The following ARPC5L variants were observed in gnomAD, a reference collection of about 807,000 sequenced individuals.
ARPC5L encodes actin-related protein 2/3 complex subunit 5-like protein.
Under a neutral mutation model 16.9 loss-of-function variants are expected in ARPC5L, and 4 were observed. The observed-to-expected ratio is 0.24, with a 90% CI of 0.12 to 0.54. ARPC5L has a LOEUF of 0.54. ARPC5L is among the 20% of genes least tolerant of loss of function. The probability of loss-of-function intolerance (pLI) is 0.95; values close to 1 mark genes in which losing one functional copy is unlikely to be tolerated. For missense variants in ARPC5L, 151 were observed against 201.9 expected (o/e 0.75, Z 1.53); for synonymous variants, 78 against 82.6 (o/e 0.94, Z 0.30).
chr9:124,875,568 T>C (rs910233512), intron 5 of ARPC5L, among the ~76,000 whole-genome samples: 1 of 152,198 alleles, frequency 6.6e-6, no homozygotes, highest in African/African-American at 2.4e-5. Flanking sequence ...CTCTAAGGGC[T>C]TCCTGCCCTG....
At chr9:124,865,426 C>T (rs767492624) in intron 2 of ARPC5L, among the ~76,000 whole-genome samples, 12 of 151,520 alleles carry the variant, frequency 7.9e-5, no homozygotes, top group Non-Finnish European at 1.2e-4. Flanking sequence ...AACCTGAAGT[C>T]ATTTGTGACT....
chr9:124,865,371 A>T lies in ARPC5L; in HGVS notation c.-864+1264A>T, dbSNP rs1317017542. On this transcript the variant is annotated intron_variant, in intron 2 of 5. Transcript: ENST00000353214. ...AATGGTGCACAGTGCCTTTGCTGTTATATTTTTAAATGCTTAGAGTTAATG... is the reference window on the plus strand; with the variant it reads ...AATGGTGCACAGTGCCTTTGCTGTTTTATTTTTAAATGCTTAGAGTTAATG... 2.0e-5 allele frequency among the ~76,000 whole-genome samples: 3 copies of T among 149,302 alleles called. No homozygotes were observed. In the East Asian group the frequency reaches 6.0e-4, roughly 30 times the overall value.
chr9:124,869,529 C>A (rs949191254), intron 3 of ARPC5L, 90 bp downstream of exon 3: 25 of 1,390,984 alleles, frequency 1.8e-5, no homozygotes, highest in African/African-American at 3.1e-5. Context: ...GGGCGGGCCT[C>A]CCCTGTCTCC....
Position 124,877,189 on chromosome 9 carries a change from G to A in ARPC5L, c.*249G>A. ...GAACTGACATTTTGACGGTCTACCA[G>A]CGTGGCGGCTGGTGTTGGTCAGATG... On this transcript the variant is annotated 3_prime_UTR_variant, in exon 6 of 6. Transcript: ENST00000353214. The A allele has an allele frequency of 2.2e-6, 1 of 457,844 alleles. No individual in the cohort carries two copies. The highest frequency in any genetic ancestry group is 2.5e-5 in the South Asian group (1 of 39,864). The allele number at this position is 457,844 out of a possible 1,614,324, so 28.4% of individuals were successfully genotyped here.
intron 3 of ARPC5L, among the ~76,000 whole-genome samples, chr9:124,871,331 C>A (rs1054078745): frequency 2.6e-5 from 4 of 152,224 alleles, no homozygotes; most frequent in African/African-American, 4.8e-5. Flanking sequence ...TTTCACAACT[C>A]AGCATCTTCT....
chr9:124,871,003 G>A (rs1473422361), intron 3 of ARPC5L, among the ~76,000 whole-genome samples: 1 of 152,208 alleles, frequency 6.6e-6, no homozygotes, highest in East Asian at 1.9e-4. Context: ...TTGGGGAAAG[G>A]GAGGTTAACG....
intron 3 of ARPC5L, among the ~76,000 whole-genome samples, chr9:124,870,540 G>T (rs1383674607): frequency 2.0e-5 from 3 of 152,140 alleles, no homozygotes; most frequent in Non-Finnish European, 4.4e-5. Flanking sequence ...TCCTGAGTGT[G>T]CCTTTAAACC....
intron 1 of ARPC5L, among the ~76,000 whole-genome samples, chr9:124,863,165 T>C (rs1431354350): frequency 6.6e-6 from 1 of 152,072 alleles, no homozygotes; most frequent in Admixed American, 6.6e-5. Flanking sequence ...ATTTTTTATA[T>C]ATTTTTTGAG....
At chr9:124,872,800 CAA>C (rs950993328) in intron 3 of ARPC5L, 2 of 152,244 alleles carry the variant, frequency 1.3e-5, no homozygotes, top group Admixed American at 6.5e-5. Flanking sequence ...CCAGCTCACT[CAA>C]GATGGATCTC....
In ARPC5L at chr9:124,877,287, G is replaced by T. The variant is rs117721363; in HGVS notation, c.*347G>T. The T allele has an allele frequency of 1.7e-3, 402 of 240,666 alleles. 5 individuals are homozygous for T. The East Asian group carries it at 0.037, about 22-fold the overall frequency. 14.9% of individuals were successfully genotyped at this position (240,666 alleles called of 1,614,324 possible). ...AGGGCTGTGGTAAACGGGAGAGCTT[G>T]TGTTTTTGAAGTGGAAAAAAACCCA... On this transcript the variant is annotated 3_prime_UTR_variant, in exon 6 of 6. Coordinates refer to ENST00000353214, the MANE Select transcript of ARPC5L (RefSeq NM_030978.3).
rs1415513986 is a variant in ARPC5L at position 124,873,779 on chromosome 9, C to T, written c.222+15C>T. Reference sequence around the variant, plus strand: ...AAGCTGTGAAGGTAAAGGGGTGGCGCTGCGGCTCTGCTGGGTGCTGTTGGG... The same window carrying T: ...AAGCTGTGAAGGTAAAGGGGTGGCGTTGCGGCTCTGCTGGGTGCTGTTGGG... On this transcript the variant is annotated intron_variant, in intron 4 of 5. Coordinates refer to ENST00000353214, the MANE Select transcript of ARPC5L (RefSeq NM_030978.3). The T allele has an allele frequency of 6.2e-7, 1 of 1,614,040 alleles. No individual in the cohort carries two copies. The highest frequency in any genetic ancestry group is 1.1e-5 in the South Asian group (1 of 91,062).
chr9:124,876,182 A>G (rs1246108131), intron 5 of ARPC5L, among the ~76,000 whole-genome samples: 5 of 152,126 alleles, frequency 3.3e-5, no homozygotes, highest in Non-Finnish European at 7.4e-5. Context: ...GTGAGAACCC[A>G]TCTCTACAAA....
At chr9:124,873,665 A>T (rs1020887730) in intron 3 of ARPC5L, 27 bp from the exon 4 acceptor site, 1 of 1,613,622 alleles carries the variant, frequency 6.2e-7, no homozygotes. Flanking sequence ...GCTTGAGCCT[A>T]GCTATCCTTA....
chr9:124,862,298 A>T lies in ARPC5L; in HGVS notation c.-1084A>T. ...CTTCGGGAAACCTTGCAGATCTCCCAATCTGGGCAACTCTGAGCTGGGCGC... is the reference window on the plus strand; with the variant it reads ...CTTCGGGAAACCTTGCAGATCTCCCTATCTGGGCAACTCTGAGCTGGGCGC... On this transcript the variant is annotated 5_prime_UTR_variant, in exon 1 of 6. Coordinates refer to ENST00000353214, the MANE Select transcript of ARPC5L (RefSeq NM_030978.3). The T allele has an allele frequency of 4.8e-6, 1 of 206,210 alleles. No individual in the cohort carries two copies. Among genetic ancestry groups the T allele is most frequent in the Non-Finnish European group, 9.7e-6 (1 of 102,864 alleles). 12.8% of individuals were successfully genotyped at this position (206,210 alleles called of 1,614,324 possible). A position where few individuals can be genotyped will look rare whatever the true frequency, so the allele number is the denominator to read the frequency against.
chr9:124,874,289 C>T (rs1327298854), intron 4 of ARPC5L, among the ~76,000 whole-genome samples: 2 of 152,244 alleles, frequency 1.3e-5, no homozygotes, highest in African/African-American at 2.4e-5. Flanking sequence ...AATGGCCCCA[C>T]CCTTCTGGGT....
At position 124,862,341 on chromosome 9, in the gene ARPC5L, T is replaced by G. The variant is rs759332820; in HGVS notation, c.-1041T>G. On this transcript the variant is annotated 5_prime_UTR_variant, in exon 1 of 6. It removes the in-frame stop codon of an upstream open reading frame in the 5' UTR. Coordinates refer to ENST00000353214, the MANE Select transcript of ARPC5L (RefSeq NM_030978.3). ...CTGGGCGCCAGTAGTCTGGGGGTGCTGACGGGAGGAGGGGCCAGAGTTTTC... is the reference window on the plus strand; with the variant it reads ...CTGGGCGCCAGTAGTCTGGGGGTGCGGACGGGAGGAGGGGCCAGAGTTTTC... 5.8e-6 allele frequency: 1 copy of G among 172,394 alleles called. No individual in the cohort carries two copies. Among genetic ancestry groups the G allele is most frequent in the African/African-American group, 2.4e-5 (1 of 42,270 alleles). 10.7% of individuals were successfully genotyped at this position (172,394 alleles called of 1,614,324 possible).
intron 3 of ARPC5L, among the ~76,000 whole-genome samples, chr9:124,871,144 G>C (rs1269227887): frequency 6.6e-6 from 1 of 152,182 alleles, no homozygotes; most frequent in Non-Finnish European, 1.5e-5. Flanking sequence ...GGAGCAGGGA[G>C]AGGGATAGAT....
At position 124,869,392 on chromosome 9, in the gene ARPC5L, G is replaced by C. The variant is rs1460174951; in HGVS notation, c.102G>C (p.Ala34=). ...AGCAGGAGGAGGCGGCGGCGGCGGCGGCGGAGCCAGGCCCGGACCCGAGCG... is the reference window on the plus strand; with the variant it reads ...AGCAGGAGGAGGCGGCGGCGGCGGCCGCGGAGCCAGGCCCGGACCCGAGCG... ...VDEQEEAAAA[A]AEPGPDPSEV... The change falls in exon 3 of 6, where the codon GCG becomes GCC. Residue 34 remains alanine, a synonymous_variant. Coordinates refer to ENST00000353214, the MANE Select transcript of ARPC5L (RefSeq NM_030978.3). 1.2e-5 allele frequency: 18 copies of C among 1,510,816 alleles called. No individual in the cohort carries two copies. The highest frequency in any genetic ancestry group is 1.5e-5 in the Non-Finnish European group (17 of 1,129,398). The allele number at this position is 1,510,816 out of a possible 1,614,324, so 93.6% of individuals were successfully genotyped here.
intron 3 of ARPC5L, among the ~76,000 whole-genome samples, chr9:124,872,228 A>G (rs1397834555): frequency 1.3e-5 from 2 of 152,174 alleles, no homozygotes; most frequent in Non-Finnish European, 2.9e-5. Flanking sequence ...GTTTACATGA[A>G]GAGCAAGTGA....
Sources: allele counts gnomAD v4.1 joint callset (sites outside exome capture counted in the v4.1 genomes callset), GRCh38; gene constraint gnomAD v4.1.1; transcripts MANE v1.5; gene names NCBI Gene and HGNC (gene_info 2026-07-23, HGNC 2026-07-21).